The following SPIRE1 variants were observed in gnomAD, a reference collection of about 807,000 sequenced individuals.
The protein encoded by SPIRE1 is protein spire homolog 1.
In SPIRE1, 40 loss-of-function variants were observed where a neutral mutation model predicts 94.1. The ratio of observed to expected loss-of-function variants is 0.43; its 90% CI spans 0.33 to 0.55. SPIRE1 has a LOEUF of 0.55. Among genes scored for constraint, SPIRE1 ranks in the 20% least tolerant of loss-of-function variants. SPIRE1 has a pLI of 0.06. For missense variants in SPIRE1, 838 were observed against 975.2 expected (o/e 0.86, Z 1.87); for synonymous variants, 376 against 371.7 (o/e 1.01, Z -0.13).
At chr18:12,512,051 C>T (rs1404792810) in intron 5 of SPIRE1, among the ~76,000 whole-genome samples, 3 of 152,226 alleles carry the variant, frequency 2.0e-5, no homozygotes, top group Non-Finnish European at 4.4e-5. Flanking sequence ...CCATGCCTGG[C>T]CAATAACTAG....
chr18:12,496,887 T>A (rs963232259), intron 6 of SPIRE1, among the ~76,000 whole-genome samples: 7 of 150,706 alleles, frequency 4.6e-5, no homozygotes, highest in Non-Finnish European at 1.0e-4. Context: ...GAAAAATAAA[T>A]AAATAAAAAT....
chr18:12,519,357 C>A (rs1260708259), intron 4 of SPIRE1, among the ~76,000 whole-genome samples: 1 of 151,260 alleles, frequency 6.6e-6, no homozygotes, highest in Non-Finnish European at 1.5e-5. Flanking sequence ...CACACGCACG[C>A]ACACACACAC....
At chr18:12,644,476 T>C (rs1030801816) in intron 1 of SPIRE1, among the ~76,000 whole-genome samples, 1 of 152,052 alleles carries the variant, frequency 6.6e-6, no homozygotes, top group Non-Finnish European at 1.5e-5. Flanking sequence ...GATCAATAAA[T>C]GAGTATCAAA....
chr18:12,637,372 A>G (rs2037962378), intron 1 of SPIRE1, among the ~76,000 whole-genome samples: 1 of 151,996 alleles, frequency 6.6e-6, no homozygotes, highest in African/African-American at 2.4e-5. Context: ...AAAAAAAAAA[A>G]AAAAGAGTAT....
intron 2 of SPIRE1, among the ~76,000 whole-genome samples, chr18:12,581,064 T>C (rs938202539): frequency 2.6e-5 from 4 of 152,206 alleles, no homozygotes; most frequent in African/African-American, 9.6e-5. Context: ...AGGTACTCTA[T>C]TTAATACCCA....
intron 9 of SPIRE1, among the ~76,000 whole-genome samples, chr18:12,480,580 T>C (rs2032801723): frequency 6.6e-6 from 1 of 152,204 alleles, no homozygotes; most frequent in Admixed American, 6.5e-5. Context: ...CTGTGCCTAG[T>C]ACAGGCAGTG....
intron 8 of SPIRE1, among the ~76,000 whole-genome samples, chr18:12,487,909 G>A (rs928197014): frequency 6.6e-6 from 1 of 152,178 alleles, no homozygotes; most frequent in African/African-American, 2.4e-5. Flanking sequence ...TTTCACTGCA[G>A]TCCAAAGCTC....
chr18:12,492,916 G>GC (rs2033290485), intron 8 of SPIRE1, among the ~76,000 whole-genome samples, 156 bp downstream of exon 8: 1 of 152,126 alleles, frequency 6.6e-6, no homozygotes. Flanking sequence ...GAGTGAGAGG[G>GC]GGTATGTATA....
chr18:12,621,022 T>A (rs2037451073), intron 2 of SPIRE1, among the ~76,000 whole-genome samples: 1 of 152,184 alleles, frequency 6.6e-6, no homozygotes, highest in Admixed American at 6.5e-5. Context: ...GCCACTGCAC[T>A]CTAGCCTGGT....
chr18:12,484,515 C>T (rs1598918785), intron 9 of SPIRE1, among the ~76,000 whole-genome samples: 1 of 152,168 alleles, frequency 6.6e-6, no homozygotes, highest in African/African-American at 2.4e-5. Flanking sequence ...TGGAAACTAG[C>T]TTTGTAGCTG....
rs62097100 is a variant in SPIRE1, at chr18:12,565,763, C to T, written c.373-18859G>A. Among the ~76,000 whole-genome samples, 170 of 148,382 alleles carry T rather than the reference C, an allele frequency of 1.1e-3. 1 individual carries two copies. Among genetic ancestry groups the T allele is most frequent in the East Asian group, 6.6e-3 (32 of 4,852 alleles). ...GTTAACAGAAGTTCTTGGCCGGGCG[C>T]GGTGGCTCACGCCTGTAATCCCAGG... is the stretch of plus-strand genomic sequence containing the variant. On this transcript the variant is annotated intron_variant, in intron 2 of 16. Coordinates refer to ENST00000409402, the MANE Select transcript of SPIRE1 (RefSeq NM_001128626.2).
In SPIRE1 at chr18:12,449,063, G is replaced by A. The variant is rs898743215; in HGVS notation, c.*575C>T. 4 of 153,612 alleles carry A rather than the reference G, an allele frequency of 2.6e-5. No homozygotes were observed. The highest frequency in any genetic ancestry group is 1.3e-4 in the Admixed American group (2 of 15,520). The allele number at this position is 153,612 out of a possible 1,614,324, so 9.5% of individuals were successfully genotyped here. ...TTCAGATGTTTTGCACTAGAATGCA[G>A]GCAAAAAGTCCCTTATGTAATTTTT... On this transcript the variant is annotated 3_prime_UTR_variant, in exon 17 of 17. Transcript: ENST00000409402.
At chr18:12,633,047 G>A (rs2037826695) in intron 2 of SPIRE1, among the ~76,000 whole-genome samples, 1 of 152,012 alleles carries the variant, frequency 6.6e-6, no homozygotes, top group South Asian at 2.1e-4. Context: ...AAGCTATGAG[G>A]TTAATACAAA....
intron 12 of SPIRE1, among the ~76,000 whole-genome samples, chr18:12,459,436 C>A (rs941329171): frequency 6.6e-6 from 1 of 152,188 alleles, no homozygotes; most frequent in Non-Finnish European, 1.5e-5. Context: ...GAGGAATGCA[C>A]CCCACGGGCT....
chr18:12,470,624 C>A (rs1267678661), intron 10 of SPIRE1, among the ~76,000 whole-genome samples: 8 of 152,184 alleles, frequency 5.3e-5, no homozygotes, highest in African/African-American at 1.9e-4. Context: ...TGTGAGTACA[C>A]ACGTGTGTGC....
intron 4 of SPIRE1, among the ~76,000 whole-genome samples, chr18:12,532,856 G>C (rs777213467): frequency 2.6e-5 from 4 of 152,234 alleles, no homozygotes; most frequent in African/African-American, 4.8e-5. Flanking sequence ...CTCAAGATGA[G>C]AGAAGTGATG....
chr18:12,632,247 G>A (rs1479322775), intron 2 of SPIRE1, among the ~76,000 whole-genome samples: 1 of 152,128 alleles, frequency 6.6e-6, no homozygotes, highest in Non-Finnish European at 1.5e-5. Context: ...ACCAGTCTTG[G>A]TTCTGAGCAG....
intron 10 of SPIRE1, among the ~76,000 whole-genome samples, chr18:12,469,603 T>C (rs1012584239): frequency 1.4e-5 from 2 of 144,800 alleles, no homozygotes; most frequent in Non-Finnish European, 3.0e-5. Context: ...TATTTATATA[T>C]TTATTTATAT....
intron 2 of SPIRE1, among the ~76,000 whole-genome samples, chr18:12,590,508 G>GA (rs2036503680): frequency 6.6e-6 from 1 of 151,672 alleles, no homozygotes; most frequent in Non-Finnish European, 1.5e-5. Flanking sequence ...AAGCCCAAAG[G>GA]AAAAAAACAA....
Sources: gnomAD v4.1 joint callset for allele counts (sites outside exome capture counted in the v4.1 genomes callset) on GRCh38, gnomAD v4.1.1 for gene constraint, MANE v1.5 for transcripts, NCBI Gene and HGNC (gene_info 2026-07-23, HGNC 2026-07-21) for gene names.